Variants in SEMA4B observed in about 807,000 individuals in gnomAD.
SEMA4B encodes semaphorin 4B, also known as semaphorin-4B.
SEMA4B carries 55 observed loss-of-function variants against 88.1 expected under a neutral mutation model. That is an observed-to-expected ratio of 0.62 (90% CI 0.50 to 0.78). The LOEUF (loss-of-function observed/expected upper bound fraction) is 0.78. SEMA4B is among the 30% of genes least tolerant of loss of function. The pLI is 0.00. For synonymous variants in SEMA4B, 525 were observed against 473.6 expected, an observed-to-expected ratio of 1.11 and a Z score of -1.41; for missense variants, 1,062 against 1,111.9, an observed-to-expected ratio of 0.96 and a Z score of 0.64.
At chr15:90,210,032 G>T (rs1412683895) in intron 1 of SEMA4B, among the ~76,000 whole-genome samples, 1 of 152,240 alleles carries the variant, frequency 6.6e-6, no homozygotes, top group Admixed American at 6.5e-5. Flanking sequence ...TTGGGAGGCT[G>T]CTGTGATGGT....
intron 1 of SEMA4B, among the ~76,000 whole-genome samples, chr15:90,207,282 A>G (rs761850015): frequency 7.3e-5 from 11 of 151,572 alleles, no homozygotes; most frequent in Non-Finnish European, 1.6e-4. Flanking sequence ...GGCTTCCGAG[A>G]GGTGGGGGGC....
chr15:90,212,767 G>A lies in SEMA4B; in HGVS notation c.158-4672G>A, dbSNP rs1365207452. Reference sequence around the variant, plus strand: ...TAGACAGTAACACCACTCACACCGAGCACAGACCAGCTCGCGCCCACAACA... The same window carrying A: ...TAGACAGTAACACCACTCACACCGAACACAGACCAGCTCGCGCCCACAACA... On this transcript the variant is annotated intron_variant, in intron 1 of 13. Coordinates refer to ENST00000411539, the MANE Select transcript of SEMA4B (RefSeq NM_198925.4). The surrounding 1 kb of genome is among the most constrained non-coding windows in gnomAD (Gnocchi z 4.0). 6.6e-6 allele frequency among the ~76,000 whole-genome samples: 1 copy of A among 152,192 alleles called. No homozygotes were observed. Among genetic ancestry groups the A allele is most frequent in the Non-Finnish European group, 1.5e-5 (1 of 68,038 alleles).
At chr15:90,195,476 C>T (rs1484849305) in intron 1 of SEMA4B, among the ~76,000 whole-genome samples, 1 of 152,174 alleles carries the variant, frequency 6.6e-6, no homozygotes, top group East Asian at 1.9e-4. Context: ...ATTGCCCTTT[C>T]TGAAGAGTCC....
chr15:90,218,724 G>A (rs1961656663), intron 3 of SEMA4B, among the ~76,000 whole-genome samples: 1 of 152,218 alleles, frequency 6.6e-6, no homozygotes, highest in Admixed American at 6.5e-5. Context: ...GCTGAAGCAG[G>A]AGAATCGCTT....
intron 1 of SEMA4B, among the ~76,000 whole-genome samples, chr15:90,202,684 A>G (rs148340504): frequency 2.6e-5 from 4 of 152,254 alleles, no homozygotes; most frequent in Admixed American, 6.5e-5. Flanking sequence ...AAGGTGTGTT[A>G]CTCGGGTATG....
At position 90,211,757 on chromosome 15, in the gene SEMA4B, G is replaced by A. The variant is rs540940698; in HGVS notation, c.158-5682G>A. 1.3e-4 allele frequency among the ~76,000 whole-genome samples: 20 copies of A among 152,246 alleles called. No homozygotes were observed. In the South Asian group the frequency reaches 2.9e-3, roughly 22 times the overall value. On this transcript the variant is annotated intron_variant, in intron 1 of 13. Transcript: ENST00000411539. ...AGGAGGCTCTCTGGGGACTTGTCCC[G>A]CCCAGACCCCTCTCTGAGAGTGGGG...
chr15:90,225,333 T>C lies in SEMA4B; in HGVS notation c.1457T>C (p.Ile486Thr), dbSNP rs776892203. 119 of 1,558,276 alleles carry C rather than the reference T, an allele frequency of 7.6e-5. No homozygotes were observed. The highest frequency in any genetic ancestry group is 2.1e-4 in the Middle Eastern group (1 of 4,756). ...AVSVGPRVHI[I>T]EELQIFSSGQ... ...AGCGTGGGCCCCCGGGTGCACATCA[T>C]TGAGGAGCTGCAGATCTTCTCATCG... is the stretch of plus-strand genomic sequence containing the variant. The change falls in exon 11 of 14, where the codon ATT becomes ACT. Residue 486 changes from isoleucine to threonine, a missense_variant. By Grantham distance (89) the Ile-to-Thr change is moderately conservative. Transcript: ENST00000411539.
intron 1 of SEMA4B, among the ~76,000 whole-genome samples, chr15:90,213,549 C>G (rs1388260913): frequency 6.6e-6 from 1 of 152,266 alleles, no homozygotes; most frequent in Non-Finnish European, 1.5e-5. Flanking sequence ...CTCCAGCCGG[C>G]TGCACTCTGT....
chr15:90,227,115 C>G (rs1450580959), intron 12 of SEMA4B: 1 of 178,706 alleles, frequency 5.6e-6, no homozygotes, highest in Non-Finnish European at 1.2e-5. Flanking sequence ...GTGATTACAG[C>G]TCACTGCAGC....
chr15:90,207,155 G>A (rs1253613715), intron 1 of SEMA4B, among the ~76,000 whole-genome samples: 2 of 152,234 alleles, frequency 1.3e-5, no homozygotes, highest in South Asian at 2.1e-4. Context: ...CAGAGGTGGA[G>A]TGTTCTGTCC....
chr15:90,196,640 C>G (rs557102469), upstream of SEMA4B, among the ~76,000 whole-genome samples: 53 of 152,208 alleles, frequency 3.5e-4, no homozygotes, highest in Non-Finnish European at 1.2e-4. Flanking sequence ...GTGCGTGCCA[C>G]CACGCCCAGC....
rs1567058141 is a variant in SEMA4B, at chr15:90,221,044, G to A, written c.546G>A (p.Lys182=). ...GGAATGTCCTCCTGGAAGATGGCAA[G>A]GGCCGTTGTCCCTTCGACCCGAATT... ...EKGNVLLEDG[K]GRCPFDPNFK... Residue 182 remains lysine, a synonymous_variant, in exon 5 of 14, where the codon AAG becomes AAA. Transcript: ENST00000411539. 2 of 1,611,382 alleles carry A rather than the reference G, an allele frequency of 1.2e-6. No homozygotes were observed. The highest frequency in any genetic ancestry group is 1.1e-5 in the South Asian group (1 of 90,216).
chr15:90,205,846 G>A (rs755461204), intron 1 of SEMA4B, among the ~76,000 whole-genome samples: 35 of 152,202 alleles, frequency 2.3e-4, no homozygotes, highest in Admixed American at 1.5e-3. Flanking sequence ...ATTACCAGGG[G>A]TCCTGCTTAA....
chr15:90,225,861 C>A, intron 12 of SEMA4B, 34 bp downstream of exon 12: 6 of 1,451,452 alleles, frequency 4.1e-6, no homozygotes, highest in Non-Finnish European at 5.4e-6. Context: ...CCCATCTGTC[C>A]AGCCCTGCAC....
chr15:90,206,259 C>T (rs1960982544), intron 1 of SEMA4B, among the ~76,000 whole-genome samples: 1 of 152,192 alleles, frequency 6.6e-6, no homozygotes, highest in African/African-American at 2.4e-5. Flanking sequence ...ATGTGGCCCT[C>T]CCTGGGGATC....
chr15:90,229,225 G>T lies in SEMA4B; in HGVS notation c.*582G>T, dbSNP rs1033208104. The T allele has an allele frequency of 2.5e-5, 11 of 444,072 alleles. No homozygotes were observed. Among genetic ancestry groups the T allele is most frequent in the African/African-American group, 2.0e-4 (10 of 49,832 alleles). The allele number at this position is 444,072 out of a possible 1,614,324, so 27.5% of individuals were successfully genotyped here. A position where few individuals can be genotyped will look rare whatever the true frequency, so the allele number is the denominator to read the frequency against. On this transcript the variant is annotated 3_prime_UTR_variant, in exon 14 of 14. Coordinates refer to ENST00000411539, the MANE Select transcript of SEMA4B (RefSeq NM_198925.4). Reference sequence around the variant, plus strand: ...CGTCCCACCACCTCAGGGACCAGAGGGCTAGGTTGGCACTGCGGCCCTCAC... The same window carrying T: ...CGTCCCACCACCTCAGGGACCAGAGTGCTAGGTTGGCACTGCGGCCCTCAC...
At chr15:90,190,478 C>G (rs1399761369) in intron 1 of SEMA4B, 3 of 152,302 alleles carry the variant, frequency 2.0e-5, no homozygotes, top group Admixed American at 6.5e-5. Flanking sequence ...ACCAGGTGAC[C>G]TGAGGTGATG....
At position 90,229,328 on chromosome 15, in the gene SEMA4B, G is replaced by C. The variant is rs1218532744; in HGVS notation, c.*685G>C. ...GTGGCCACACGAGAGGACAGCGCGA[G>C]CTCAGGAGAGATTTCGTGACAATGT... On this transcript the variant is annotated 3_prime_UTR_variant, in exon 14 of 14. Transcript: ENST00000411539. 4.4e-6 allele frequency: 2 copies of C among 456,796 alleles called. No individual in the cohort carries two copies. Among genetic ancestry groups the C allele is most frequent in the Non-Finnish European group, 8.8e-6 (2 of 227,024 alleles). 28.3% of individuals were successfully genotyped at this position (456,796 alleles called of 1,614,324 possible). A position where few individuals can be genotyped will look rare whatever the true frequency, so the allele number is the denominator to read the frequency against.
intron 1 of SEMA4B, among the ~76,000 whole-genome samples, chr15:90,207,692 A>G (rs991172675): frequency 6.6e-6 from 1 of 152,266 alleles, no homozygotes; most frequent in African/African-American, 2.4e-5. Flanking sequence ...AAAAGCAGCA[A>G]GATGACCCGG....
Sources: allele counts gnomAD v4.1 joint callset (sites outside exome capture counted in the v4.1 genomes callset), GRCh38; gene constraint gnomAD v4.1.1; non-coding constraint Gnocchi (gnomAD v3.1); transcripts MANE v1.5; gene names NCBI Gene and HGNC (gene_info 2026-07-23, HGNC 2026-07-21).